DCAF17: variants seen among roughly 807,000 people sequenced by gnomAD.
DCAF17 encodes DDB1 and CUL4 associated factor 17.
Under a neutral mutation model 66.0 loss-of-function variants are expected in DCAF17, and 48 were observed. That is an observed-to-expected ratio of 0.73 (90% CI 0.58 to 0.92). The LOEUF is 0.92. Among genes scored for constraint, DCAF17 ranks in the 40% least tolerant of loss-of-function variants. DCAF17 has a pLI of 0.00. For missense variants in DCAF17, 562 were observed against 622.8 expected (o/e 0.90, Z 1.04); for synonymous variants, 206 against 214.6 (o/e 0.96, Z 0.35).
At chr2:171,450,027 G>GA (rs1414299862) in intron 5 of DCAF17, 70 bp downstream of exon 5, 16 of 1,299,500 alleles carry the variant, frequency 1.2e-5, no homozygotes, top group African/African-American at 2.9e-5. Context: ...GATTTGTTAT[G>GA]AAAAATCTAA....
At chr2:171,468,854 TG>T in intron 8 of DCAF17, 33 bp from the exon 9 acceptor site, 5 of 1,613,984 alleles carry the variant, frequency 3.1e-6, no homozygotes, top group Non-Finnish European at 4.2e-6. Context: ...CCCAGAACAG[TG>T]CAGCTAATGA....
At position 171,483,848 on chromosome 2, in the gene DCAF17, C is replaced by G. The variant is rs897774070; in HGVS notation, c.*2734C>G. ...CCCAGGGTCCCACAACTAGTCAGTGCAGAGGTGGGAAACATAACCAGATTT... is the reference window on the plus strand; with the variant it reads ...CCCAGGGTCCCACAACTAGTCAGTGGAGAGGTGGGAAACATAACCAGATTT... On this transcript the variant is annotated 3_prime_UTR_variant, in exon 14 of 14. Coordinates refer to ENST00000375255, the MANE Select transcript of DCAF17 (RefSeq NM_025000.4). 1 of 453,888 alleles carries G rather than the reference C, an allele frequency of 2.2e-6. No homozygotes were observed. The highest frequency in any genetic ancestry group is 2.4e-5 in the Admixed American group (1 of 42,544). 28.1% of individuals were successfully genotyped at this position (453,888 alleles called of 1,614,324 possible).
intron 3 of DCAF17, chr2:171,447,292 C>T: frequency 9.3e-6 from 2 of 214,012 alleles, no homozygotes; most frequent in Admixed American, 5.9e-5. Flanking sequence ...ATAACTATGT[C>T]TTCATTCTTT....
At chr2:171,441,591 C>T (rs1225146560) in intron 2 of DCAF17, among the ~76,000 whole-genome samples, 33 of 152,142 alleles carry the variant, frequency 2.2e-4, no homozygotes, top group Admixed American at 1.9e-3. Context: ...GCTGTCATCC[C>T]ACCCCTCCTA....
chr2:171,434,827 G>T (rs2105708587), intron 1 of DCAF17, 124 bp downstream of exon 1: 1 of 1,379,448 alleles, frequency 7.2e-7, no homozygotes, highest in East Asian at 2.6e-5. Context: ...ATGGGGAGGA[G>T]GATACAAGCC....
At chr2:171,444,498 CAT>C (rs1349031085) in intron 3 of DCAF17, among the ~76,000 whole-genome samples, 2 of 152,090 alleles carry the variant, frequency 1.3e-5, no homozygotes, top group Non-Finnish European at 1.5e-5. Context: ...AGATATGAAA[CAT>C]AAATGAATTT....
chr2:171,451,734 C>T (rs1183366301), intron 5 of DCAF17, among the ~76,000 whole-genome samples: 4 of 152,146 alleles, frequency 2.6e-5, no homozygotes, highest in Admixed American at 6.5e-5. Context: ...CACCACCAGG[C>T]CCAGCTAATT....
chr2:171,472,487 C>T (rs1452473010), intron 9 of DCAF17, among the ~76,000 whole-genome samples: 3 of 152,148 alleles, frequency 2.0e-5, no homozygotes, highest in Non-Finnish European at 4.4e-5. Flanking sequence ...CCGATTAACA[C>T]TTCTGTACTT....
In DCAF17 at chr2:171,434,658, G is replaced by A. The variant is rs781372214; in HGVS notation, c.81G>A (p.Val27=). 67 of 1,531,520 alleles carry A rather than the reference G, an allele frequency of 4.4e-5. No homozygotes were observed. In the South Asian group the frequency reaches 7.9e-4, roughly 18 times the overall value. 94.9% of individuals were successfully genotyped at this position (1,531,520 alleles called of 1,614,324 possible). Residue 27 remains valine (V), a synonymous_variant, in exon 1 of 14, where the codon GTG becomes GTA. Coordinates refer to ENST00000375255, the MANE Select transcript of DCAF17 (RefSeq NM_025000.4). ...GCTGCTTCTCGCGCGACGCAGGCGT[G>A]GTGCAGAGGACCAACCTGGGCATCC... The part of the protein sequence containing the change: ...ALGCFSRDAG[V]VQRTNLGILR...
At chr2:171,444,314 G>T (rs1694489871) in intron 3 of DCAF17, among the ~76,000 whole-genome samples, 1 of 152,100 alleles carries the variant, frequency 6.6e-6, no homozygotes, top group Non-Finnish European at 1.5e-5. Flanking sequence ...ATATTTCTAA[G>T]TACAGGTTGA....
At chr2:171,435,603 C>A (rs1257272544) in intron 2 of DCAF17, among the ~76,000 whole-genome samples, 3 of 149,398 alleles carry the variant, frequency 2.0e-5, no homozygotes, top group East Asian at 3.9e-4. Flanking sequence ...ATTTAGAGAT[C>A]CAAAATGTTT....
chr2:171,444,319 G>A (rs569592254), intron 3 of DCAF17, among the ~76,000 whole-genome samples: 9 of 152,272 alleles, frequency 5.9e-5, no homozygotes, highest in African/African-American at 2.2e-4. Flanking sequence ...TCTAAGTACA[G>A]GTTGAGCATC....
intron 2 of DCAF17, among the ~76,000 whole-genome samples, chr2:171,441,246 C>T (rs937146308): frequency 3.3e-5 from 5 of 152,206 alleles, no homozygotes; most frequent in African/African-American, 1.2e-4. Context: ...TTCTCCCCTC[C>T]TGCACAGTTT....
chr2:171,438,914 A>T (rs898539664), intron 2 of DCAF17, among the ~76,000 whole-genome samples: 1 of 151,916 alleles, frequency 6.6e-6, no homozygotes, highest in Non-Finnish European at 1.5e-5. Context: ...TTTTTTAGAG[A>T]TAGGGGTCTC....
rs546863765 is a variant in DCAF17, at chr2:171,483,780, C to T, written c.*2666C>T. 61 of 454,010 alleles carry T rather than the reference C, an allele frequency of 1.3e-4. No individual in the cohort carries two copies. Among genetic ancestry groups the T allele is most frequent in the South Asian group, 9.2e-4 (59 of 64,468 alleles). 28.1% of individuals were successfully genotyped at this position (454,010 alleles called of 1,614,324 possible). A position where few individuals can be genotyped will look rare whatever the true frequency, so the allele number is the denominator to read the frequency against. Reference sequence around the variant, plus strand: ...AGTATGAACTGCCATTATCTTTCCCCTTTGTACAAATGAGGAAAGTGAGGC... The same window carrying T: ...AGTATGAACTGCCATTATCTTTCCCTTTTGTACAAATGAGGAAAGTGAGGC... On this transcript the variant is annotated 3_prime_UTR_variant, in exon 14 of 14. Transcript: ENST00000375255.
chr2:171,463,372 G>T (rs1342692068), intron 8 of DCAF17, among the ~76,000 whole-genome samples: 2 of 150,972 alleles, frequency 1.3e-5, no homozygotes, highest in Non-Finnish European at 2.9e-5. Flanking sequence ...ATTGTGTAAA[G>T]TATTCATACT....
chr2:171,478,027 TAA>T lies in DCAF17; in HGVS notation c.1230_1231del (p.Ser411PhefsTer2). ...ACTGTTACAGCTTCTGGACGGGTGG[TAA>T]AAAAAAGTTTTAACCTTCTGGATGA... On this transcript the variant is annotated frameshift_variant, in exon 12 of 14. Transcript: ENST00000375255. LOFTEE classifies it high-confidence loss of function. 1 of 1,613,570 alleles carries T rather than the reference TAA, an allele frequency of 6.2e-7. No individual in the cohort carries two copies. Among genetic ancestry groups the T allele is most frequent in the Non-Finnish European group, 8.5e-7 (1 of 1,179,662 alleles).
chr2:171,454,442 AC>A (rs1398206604), intron 6 of DCAF17, among the ~76,000 whole-genome samples: 1 of 150,800 alleles, frequency 6.6e-6, no homozygotes, highest in Non-Finnish European at 1.5e-5. Flanking sequence ...CTGCCACCAC[AC>A]CCGGCTAATT....
At chr2:171,437,654 G>A (rs1419761082) in intron 2 of DCAF17, among the ~76,000 whole-genome samples, 1 of 152,016 alleles carries the variant, frequency 6.6e-6, no homozygotes, top group African/African-American at 2.4e-5. Context: ...TTTGATAGAT[G>A]GTGTCTTTCA....
Sources: gnomAD v4.1 joint callset for allele counts (sites outside exome capture counted in the v4.1 genomes callset) on GRCh38, gnomAD v4.1.1 for gene constraint, MANE v1.5 for transcripts, NCBI Gene and HGNC (gene_info 2026-07-23, HGNC 2026-07-21) for gene names.